MYO9B: variants seen among roughly 807,000 people sequenced by gnomAD.
The protein encoded by MYO9B is myosin IXB.
A neutral mutation model predicts 229.5 loss-of-function variants in MYO9B; 71 were observed. That is an observed-to-expected ratio of 0.31 (90% CI 0.26 to 0.38). The LOEUF (loss-of-function observed/expected upper bound fraction) is 0.38. MYO9B is among the 10% of genes least tolerant of loss of function. MYO9B has a pLI of 1.00. For missense variants in MYO9B, 2,255 were observed against 2,920.5 expected, an observed-to-expected ratio of 0.77 and a Z score of 5.25; for synonymous variants, 1,185 against 1,235.8, an observed-to-expected ratio of 0.96 and a Z score of 0.86.
chr19:17,163,336 T>TA lies in MYO9B; in HGVS notation c.1671+214_1671+215insA, dbSNP rs1305047205. On this transcript the variant is annotated intron_variant, in intron 10 of 39. Transcript: ENST00000682292. ...TCCCCATGAAACACTCACTCCCCAT[T>TA]CCCCCTCTTGCAAGCCCTGAACTCA... 3.5e-5 allele frequency among the ~76,000 whole-genome samples: 5 copies of TA among 143,860 alleles called. No individual in the cohort carries two copies. In the East Asian group the frequency reaches 8.1e-4, roughly 23 times the overall value. The allele number at this position is 143,860 out of a possible 152,430, so 94.4% of individuals were successfully genotyped here.
chr19:17,168,198 T>C, intron 11 of MYO9B, 134 bp downstream of exon 11: 2 of 1,234,688 alleles, frequency 1.6e-6, no homozygotes, highest in South Asian at 1.5e-5. Flanking sequence ...AGGGTCTCAC[T>C]CTGTCACCCA....
rs749094129 is a variant in MYO9B at position 17,101,672 on chromosome 19, C to T, written c.-46C>T. 58 of 1,505,330 alleles carry T rather than the reference C, an allele frequency of 3.9e-5. No homozygotes were observed. Among genetic ancestry groups the T allele is most frequent in the African/African-American group, 2.6e-4 (19 of 71,898 alleles). 93.2% of individuals were successfully genotyped at this position (1,505,330 alleles called of 1,614,324 possible). A position where few individuals can be genotyped will look rare whatever the true frequency, so the allele number is the denominator to read the frequency against. On this transcript the variant is annotated 5_prime_UTR_variant, in exon 2 of 40. Coordinates refer to ENST00000682292, the MANE Select transcript of MYO9B (RefSeq NM_004145.4). The surrounding 1 kb of genome is among the most constrained non-coding windows in gnomAD (Gnocchi z 4.7). Reference sequence around the variant, plus strand: ...ACCTCCCTTCTAGCTCCAGGACACGCGCGCCCCGAGCCTGGGAGGCATGCT... The same window carrying T: ...ACCTCCCTTCTAGCTCCAGGACACGTGCGCCCCGAGCCTGGGAGGCATGCT...
At chr19:17,182,143 G>A (rs576224267) in intron 15 of MYO9B, among the ~76,000 whole-genome samples, 2 of 151,114 alleles carry the variant, frequency 1.3e-5, no homozygotes, top group African/African-American at 2.4e-5. Context: ...GCAGTGAAAC[G>A]ATCACCGCTC....
At chr19:17,133,467 G>A (rs1362350371) in intron 2 of MYO9B, among the ~76,000 whole-genome samples, 1 of 151,360 alleles carries the variant, frequency 6.6e-6, no homozygotes, top group Admixed American at 6.6e-5. Context: ...TTCTACTTCC[G>A]TTTTTTTGAG....
chr19:17,077,581 TG>T (rs2057498122), intron 1 of MYO9B, among the ~76,000 whole-genome samples: 1 of 152,182 alleles, frequency 6.6e-6, no homozygotes, highest in African/African-American at 2.4e-5. Flanking sequence ...GGGGGAGCAC[TG>T]TGTTGGAGAT....
At chr19:17,099,438 T>C (rs2057723486) in intron 1 of MYO9B, 1 of 151,988 alleles carries the variant, frequency 6.6e-6, no homozygotes, top group Non-Finnish European at 1.5e-5. Flanking sequence ...ATTCAGGCAA[T>C]GTGTATCCCA....
chr19:17,124,664 G>A (rs1312801320), intron 2 of MYO9B, among the ~76,000 whole-genome samples: 1 of 150,898 alleles, frequency 6.6e-6, no homozygotes, highest in Non-Finnish European at 1.5e-5. Context: ...GGAGGCTGAG[G>A]CAAGAGAATT....
Position 17,119,631 on chromosome 19 carries a change from TTTTG to T in MYO9B, c.840+17090_840+17093del, listed in dbSNP as rs544645191. Among the ~76,000 whole-genome samples, 672 of 146,842 alleles carry T rather than the reference TTTTG, an allele frequency of 4.6e-3. 5 individuals carry two copies. The highest frequency in any genetic ancestry group is 0.017 in the African/African-American group (626 of 36,820). On this transcript the variant is annotated intron_variant, in intron 2 of 39. Transcript: ENST00000682292. ...GGAGGATCATTTGAGCTCAGGAGTTTTTTGTTTGTTTGTTTGTTTTGTTTTGTTT... is the reference window on the plus strand; with the variant it reads ...GGAGGATCATTTGAGCTCAGGAGTTTTTTGTTTGTTTGTTTTGTTTTGTTT...
intron 1 of MYO9B, among the ~76,000 whole-genome samples, chr19:17,100,962 C>T (rs1360004764): frequency 1.3e-5 from 2 of 150,860 alleles, no homozygotes; most frequent in Non-Finnish European, 2.9e-5. Flanking sequence ...GGGGCCGAGT[C>T]GTCTTCTGCT....
intron 24 of MYO9B, among the ~76,000 whole-genome samples, chr19:17,199,905 C>A (rs1324446237): frequency 6.6e-6 from 1 of 150,590 alleles, no homozygotes; most frequent in Non-Finnish European, 1.5e-5. Flanking sequence ...CACTCTGTCA[C>A]CCAGGCTGGA....
At chr19:17,125,638 A>G (rs2058009377) in intron 2 of MYO9B, among the ~76,000 whole-genome samples, 1 of 152,016 alleles carries the variant, frequency 6.6e-6, no homozygotes. Context: ...GCTGCGTTTC[A>G]GTGTTTGCTG....
chr19:17,117,783 C>G (rs990346532), intron 2 of MYO9B, among the ~76,000 whole-genome samples: 1 of 151,676 alleles, frequency 6.6e-6, no homozygotes, highest in Non-Finnish European at 1.5e-5. Context: ...ACTAAAAATA[C>G]AAAAATTAGC....
In MYO9B at chr19:17,180,995, T is replaced by C. The variant is rs1407838677; in HGVS notation, c.2288T>C (p.Leu763Pro). The change falls in exon 15 of 40, where the codon CTT becomes CCT. Residue 763 changes from leucine (L) to proline (P), a missense_variant. By Grantham distance (98) the Leu-to-Pro change is moderately conservative. This residue lies in a region of MYO9B where 155 missense variants were observed against 159.1 expected (regional missense o/e 0.97). Coordinates refer to ENST00000682292, the MANE Select transcript of MYO9B (RefSeq NM_004145.4). ...LPWQGEDPRS[L>P]LQSLSRLQKP... ...TGGCAGGGCGAGGACCCCCGTAGCCTTCTCCAGTCCCTCAGTCGGCTCCAG... is the reference window on the plus strand; with the variant it reads ...TGGCAGGGCGAGGACCCCCGTAGCCCTCTCCAGTCCCTCAGTCGGCTCCAG... 6.2e-7 allele frequency: 1 copy of C among 1,610,808 alleles called. No homozygotes were observed. The highest frequency in any genetic ancestry group is 1.3e-5 in the African/African-American group (1 of 74,832).
At chr19:17,107,955 G>T (rs563772725) in intron 2 of MYO9B, among the ~76,000 whole-genome samples, 49 of 152,310 alleles carry the variant, frequency 3.2e-4, no homozygotes, top group African/African-American at 1.2e-3. Context: ...AGCCCCACCT[G>T]GTCTGCTTCA....
At chr19:17,095,710 T>C (rs924774410) in intron 1 of MYO9B, 1 of 152,228 alleles carries the variant, frequency 6.6e-6, no homozygotes, top group Non-Finnish European at 1.5e-5. Context: ...TTTGGGTCTA[T>C]ACCTGGGAGC....
chr19:17,133,248 G>A (rs563526005), intron 2 of MYO9B, among the ~76,000 whole-genome samples: 80 of 152,234 alleles, frequency 5.3e-4, no homozygotes, highest in Non-Finnish European at 8.7e-4. Flanking sequence ...GCTAATTAAC[G>A]TACGCGTTAC....
intron 2 of MYO9B, among the ~76,000 whole-genome samples, chr19:17,127,170 C>A (rs1030547483): frequency 6.8e-6 from 1 of 147,610 alleles, no homozygotes; most frequent in African/African-American, 2.5e-5. Flanking sequence ...CACCACCACG[C>A]CCGGCTAATT....
intron 24 of MYO9B, among the ~76,000 whole-genome samples, chr19:17,199,075 T>C (rs2073078309): frequency 6.6e-6 from 1 of 152,056 alleles, no homozygotes; most frequent in African/African-American, 2.4e-5. Flanking sequence ...GGGCGGTGCA[T>C]GCCTGTAGTC....
intron 14 of MYO9B, among the ~76,000 whole-genome samples, chr19:17,177,145 G>A (rs1175957005): frequency 6.6e-6 from 1 of 152,090 alleles, no homozygotes; most frequent in African/African-American, 2.4e-5. Flanking sequence ...AAGTTGCGGT[G>A]AGCCAAGATC....
Sources: allele counts gnomAD v4.1 joint callset (sites outside exome capture counted in the v4.1 genomes callset), GRCh38; gene constraint gnomAD v4.1.1; regional missense constraint gnomAD v4.1.1; non-coding constraint Gnocchi (gnomAD v3.1); transcripts MANE v1.5; gene names NCBI Gene and HGNC (gene_info 2026-07-23, HGNC 2026-07-21).